TMEM44: variants seen among roughly 807,000 people sequenced by gnomAD.
The protein encoded by TMEM44 is transmembrane protein 44.
A neutral mutation model predicts 47.8 loss-of-function variants in TMEM44; 43 were observed. The ratio of observed to expected loss-of-function variants is 0.90; its 90% CI spans 0.70 to 1.16. The LOEUF (loss-of-function observed/expected upper bound fraction) is 1.16, where lower values mean the gene tolerates loss of function less well. Ranked by LOEUF, TMEM44 falls within the 50% of genes most tolerant of loss-of-function variation. The pLI, the probability that TMEM44 is intolerant of heterozygous loss-of-function variation, is 0.00. For synonymous variants in TMEM44, 277 were observed against 238.8 expected (o/e 1.16, Z -1.48); for missense variants, 568 against 555.2 (o/e 1.02, Z -0.23).
At chr3:194,598,686 G>T (rs749704597) in intron 9 of TMEM44, among the ~76,000 whole-genome samples, 7 of 152,158 alleles carry the variant, frequency 4.6e-5, no homozygotes, top group Admixed American at 6.5e-5. Flanking sequence ...GGAGTGCTGG[G>T]GTTACCACGG....
At chr3:194,631,793 C>T (rs1305838214) in intron 1 of TMEM44, among the ~76,000 whole-genome samples, 3 of 152,180 alleles carry the variant, frequency 2.0e-5, no homozygotes, top group African/African-American at 7.2e-5. Flanking sequence ...TCCGAAGACA[C>T]ATTCTTCTAA....
At chr3:194,610,200 G>A (rs1715164583) in intron 8 of TMEM44, among the ~76,000 whole-genome samples, 3 of 150,760 alleles carry the variant, frequency 2.0e-5, no homozygotes, top group South Asian at 2.1e-4. Flanking sequence ...CAGCCTGGGC[G>A]ACAGAGTGTC....
At chr3:194,619,027 T>C (rs1448933331) in intron 5 of TMEM44, among the ~76,000 whole-genome samples, 1 of 152,252 alleles carries the variant, frequency 6.6e-6, no homozygotes, top group Non-Finnish European at 1.5e-5. Flanking sequence ...AGCACTGCTA[T>C]GGCTAGAGGT....
At chr3:194,617,550 T>C in intron 5 of TMEM44, 1 of 625,670 alleles carries the variant, frequency 1.6e-6, no homozygotes, top group Non-Finnish European at 2.9e-6. Flanking sequence ...CCCTAACGCA[T>C]CCCTCCAGCG....
chr3:194,615,989 C>T (rs895202801), intron 6 of TMEM44, among the ~76,000 whole-genome samples: 4 of 152,126 alleles, frequency 2.6e-5, no homozygotes, highest in African/African-American at 9.7e-5. Context: ...GCCTGGCTTA[C>T]AGTGACAATA....
At chr3:194,623,437 A>T (rs1716793914) in intron 4 of TMEM44, 92 bp downstream of exon 4, 2 of 1,510,028 alleles carry the variant, frequency 1.3e-6, no homozygotes, top group African/African-American at 2.8e-5. Context: ...GGAAGGCTTA[A>T]CCCCACTCCC....
At chr3:194,594,854 G>A (rs1054420699) in intron 9 of TMEM44, among the ~76,000 whole-genome samples, 1 of 152,176 alleles carries the variant, frequency 6.6e-6, no homozygotes, top group South Asian at 2.1e-4. Context: ...AATCTTCAGC[G>A]TTATGGGCAA....
At position 194,611,974 on chromosome 3, in the gene TMEM44, A is replaced by G. The variant is rs1052165964; in HGVS notation, c.913-954T>C. On this transcript the variant is annotated intron_variant, in intron 7 of 9. Transcript: ENST00000347147. This position sits in a 1 kb window ranked among gnomAD's most constrained non-coding sequence, Gnocchi z 4.2. ...GAGGCGGAGGTTGCAGCAAGCTGAG[A>G]TCGTGCCACTGCAATCCAGCCTGGA... is the stretch of plus-strand genomic sequence containing the variant. 1.3e-5 allele frequency among the ~76,000 whole-genome samples: 2 copies of G among 152,062 alleles called. No homozygotes were observed. Among genetic ancestry groups the G allele is most frequent in the Non-Finnish European group, 2.9e-5 (2 of 68,026 alleles).
chr3:194,592,539 A>T (rs1482731357), intron 9 of TMEM44, among the ~76,000 whole-genome samples: 3 of 152,106 alleles, frequency 2.0e-5, no homozygotes, highest in Non-Finnish European at 2.9e-5. Context: ...GGCTTACCTG[A>T]ATACCCCCAA....
chr3:194,633,043 C>CCCGCCCGACAG (rs11273892), intron 1 of TMEM44, 36 bp downstream of exon 1: 1,183,987 of 1,534,988 alleles, frequency 0.77, 459,303 homozygotes, highest in African/African-American at 0.79. Flanking sequence ...CGCCCGTTTC[C>CCCGCCCGACAG]CCGCCCGACA....
chr3:194,628,956 G>C (rs1177597544), intron 1 of TMEM44, among the ~76,000 whole-genome samples: 4 of 152,198 alleles, frequency 2.6e-5, no homozygotes, highest in Non-Finnish European at 5.9e-5. Flanking sequence ...CTGAGGTCAG[G>C]AGTTCGAGAC....
At chr3:194,625,284 C>G (rs575542687) in intron 3 of TMEM44, among the ~76,000 whole-genome samples, 57 of 152,314 alleles carry the variant, frequency 3.7e-4, no homozygotes, top group Admixed American at 6.5e-4. Context: ...CCATGCTGCT[C>G]TGTGTGCCTG....
At chr3:194,621,081 C>T (rs1375628349) in intron 5 of TMEM44, among the ~76,000 whole-genome samples, 6 of 151,538 alleles carry the variant, frequency 4.0e-5, no homozygotes, top group Non-Finnish European at 8.8e-5. Flanking sequence ...GTGAATGCGG[C>T]CTTATTTGGA....
At chr3:194,618,450 C>T (rs1716177231) in intron 5 of TMEM44, among the ~76,000 whole-genome samples, 1 of 149,134 alleles carries the variant, frequency 6.7e-6, no homozygotes, top group South Asian at 2.1e-4. Context: ...ATATTAAACT[C>T]ATTAGATGAG....
chr3:194,625,532 A>G (rs944103746), intron 3 of TMEM44, among the ~76,000 whole-genome samples: 1 of 152,014 alleles, frequency 6.6e-6, no homozygotes, highest in African/African-American at 2.4e-5. Flanking sequence ...CCAGGCTGGA[A>G]TGCAGTGGTG....
At chr3:194,610,506 C>T (rs777732932) in intron 8 of TMEM44, among the ~76,000 whole-genome samples, 1 of 152,120 alleles carries the variant, frequency 6.6e-6, no homozygotes, top group Non-Finnish European at 1.5e-5. Flanking sequence ...TACTTCCACC[C>T]GAGAGACTCT....
chr3:194,594,795 C>T (rs74382750), intron 9 of TMEM44, among the ~76,000 whole-genome samples: 3,872 of 152,276 alleles, frequency 0.025, 73 homozygotes, highest in Non-Finnish European at 0.04. Context: ...AGGCTCGAGT[C>T]TCCCAGCTGT....
chr3:194,611,103 A>T lies in TMEM44; in HGVS notation c.913-83T>A, dbSNP rs1715281320. The T allele has an allele frequency of 8.2e-6, 9 of 1,092,088 alleles. No individual in the cohort carries two copies. Among genetic ancestry groups the T allele is most frequent in the Non-Finnish European group, 1.1e-5 (8 of 721,960 alleles). 67.6% of individuals were successfully genotyped at this position (1,092,088 alleles called of 1,614,324 possible). A position where few individuals can be genotyped will look rare whatever the true frequency, so the allele number is the denominator to read the frequency against. ...CTAAAAACAAGGTCACATTTTATTC[A>T]AAAGGACCCCCGTGGTATTTTCTCT... On this transcript the variant is annotated intron_variant, in intron 7 of 9. Transcript: ENST00000347147. This position sits in a 1 kb window ranked among gnomAD's most constrained non-coding sequence, Gnocchi z 4.2.
At position 194,623,616 on chromosome 3, in the gene TMEM44, G is replaced by A. The variant is rs892257349; in HGVS notation, c.438C>T (p.Gly146=). The A allele has an allele frequency of 6.2e-7, 1 of 1,612,858 alleles. No individual in the cohort carries two copies. Among genetic ancestry groups the A allele is most frequent in the Non-Finnish European group, 8.5e-7 (1 of 1,179,926 alleles). Residue 146 remains glycine, a synonymous_variant, in exon 4 of 10, where the codon GGC becomes GGT. Coordinates refer to ENST00000347147, the MANE Select transcript of TMEM44 (RefSeq NM_001011655.3). ...CAGCAACCCACAGAGCCCAGCACGG[G>A]CCCAGGCTCAGCGGCAGGGCCAGGG... ...VFALALPLSL[G]PCWALWVAVP...
Sources: gnomAD v4.1 joint callset for allele counts (sites outside exome capture counted in the v4.1 genomes callset) on GRCh38, gnomAD v4.1.1 for gene constraint, Gnocchi (gnomAD v3.1) non-coding constraint, MANE v1.5 for transcripts, NCBI Gene and HGNC (gene_info 2026-07-23, HGNC 2026-07-21) for gene names.